The following SLC8A3 variants were observed in gnomAD, a reference collection of about 807,000 sequenced individuals.
SLC8A3 encodes the protein solute carrier family 8 member A3.
A neutral mutation model predicts 65.4 loss-of-function variants in SLC8A3; 37 were observed. The ratio of observed to expected loss-of-function variants is 0.57; its 90% CI spans 0.44 to 0.74. SLC8A3 has a LOEUF of 0.74. Among genes scored for constraint, SLC8A3 ranks in the 30% least tolerant of loss-of-function variants. The pLI is 0.00. For synonymous variants in SLC8A3, 461 were observed against 444.5 expected (o/e 1.04, Z -0.47); for missense variants, 1,112 against 1,172.1 (o/e 0.95, Z 0.75).
At chr14:70,091,311 T>C (rs1891791845) in intron 2 of SLC8A3, among the ~76,000 whole-genome samples, 1 of 152,210 alleles carries the variant, frequency 6.6e-6, no homozygotes, top group Non-Finnish European at 1.5e-5. Context: ...CAAAAATTTG[T>C]CTTACAATCA....
intron 1 of SLC8A3, among the ~76,000 whole-genome samples, chr14:70,187,820 C>G (rs571768816): frequency 1.6e-4 from 25 of 152,230 alleles, no homozygotes; most frequent in African/African-American, 5.5e-4. Context: ...AGCTCCCGAC[C>G]CGCGGCGGTG....
At chr14:70,070,936 A>G (rs181351264) in intron 2 of SLC8A3, among the ~76,000 whole-genome samples, 1 of 152,362 alleles carries the variant, frequency 6.6e-6, no homozygotes, top group East Asian at 1.9e-4. Flanking sequence ...ACCAATGTCC[A>G]CAATTACTAA....
At chr14:70,148,281 A>AACTTGCAATG (rs1566811786) in intron 2 of SLC8A3, among the ~76,000 whole-genome samples, 1 of 152,190 alleles carries the variant, frequency 6.6e-6, no homozygotes, top group Non-Finnish European at 1.5e-5. Context: ...TGGTATTTGT[A>AACTTGCAATG]ACTTGCAATG....
chr14:70,061,551 A>T (rs987453529), intron 2 of SLC8A3, among the ~76,000 whole-genome samples: 3 of 147,490 alleles, frequency 2.0e-5, no homozygotes, highest in Admixed American at 6.7e-5. Flanking sequence ...AGAGAGAGAG[A>T]GTGAGAGAGA....
chr14:70,152,528 CTT>C (rs5809470), intron 2 of SLC8A3, among the ~76,000 whole-genome samples: 4 of 148,222 alleles, frequency 2.7e-5, no homozygotes, highest in Non-Finnish European at 4.5e-5. Flanking sequence ...CAAGTTCAGT[CTT>C]TTTTTTTTTC....
chr14:70,065,730 T>A (rs1889351021), intron 2 of SLC8A3, among the ~76,000 whole-genome samples: 1 of 152,176 alleles, frequency 6.6e-6, no homozygotes, highest in Non-Finnish European at 1.5e-5. Context: ...CAATCCCAGT[T>A]TGGTGGTTTG....
In SLC8A3 at chr14:70,111,952, AG is replaced by A. The variant is rs1359592202; in HGVS notation, c.1785-51014del. ...GGAACCTGAGCAGGAGAGTAAGTAC[AG>A]GAAAATGGTGGGAGCTAGAGCTGCA... On this transcript the variant is annotated intron_variant, in intron 2 of 6. Coordinates refer to ENST00000356921, the MANE Select transcript of SLC8A3 (RefSeq NM_182932.3). Among the ~76,000 whole-genome samples the A allele has an allele frequency of 2.0e-5, 3 of 152,228 alleles. No individual in the cohort carries two copies. In the East Asian group the frequency reaches 5.8e-4, roughly 29 times the overall value.
At chr14:70,119,426 TG>T (rs1283678110) in intron 2 of SLC8A3, among the ~76,000 whole-genome samples, 2 of 152,176 alleles carry the variant, frequency 1.3e-5, no homozygotes, top group African/African-American at 2.4e-5. Flanking sequence ...CAAGCATCAC[TG>T]GGGACCCCAC....
intron 1 of SLC8A3, among the ~76,000 whole-genome samples, chr14:70,177,855 G>A (rs1340258656): frequency 6.6e-6 from 1 of 152,184 alleles, no homozygotes; most frequent in Non-Finnish European, 1.5e-5. Context: ...ATGACAGTGT[G>A]GGAACAGGAT....
chr14:70,138,143 C>G (rs1191985159), intron 2 of SLC8A3, among the ~76,000 whole-genome samples: 1 of 152,264 alleles, frequency 6.6e-6, no homozygotes, highest in East Asian at 1.9e-4. Flanking sequence ...GGGTGGGTGG[C>G]TGGCAGAGCA....
At chr14:70,056,241 T>A (rs1888100716) in intron 3 of SLC8A3, among the ~76,000 whole-genome samples, 1 of 152,202 alleles carries the variant, frequency 6.6e-6, no homozygotes, top group African/African-American at 2.4e-5. Flanking sequence ...AGTAGCTAAC[T>A]TATGAGTGGC....
intron 2 of SLC8A3, among the ~76,000 whole-genome samples, chr14:70,073,482 A>G (rs954526270): frequency 6.6e-6 from 1 of 151,788 alleles, no homozygotes; most frequent in Non-Finnish European, 1.5e-5. Flanking sequence ...AGAAGTAAAT[A>G]TATATATATA....
At chr14:70,135,230 A>T (rs985787934) in intron 2 of SLC8A3, among the ~76,000 whole-genome samples, 1 of 152,220 alleles carries the variant, frequency 6.6e-6, no homozygotes, top group African/African-American at 2.4e-5. Flanking sequence ...TATCAAAAAG[A>T]CAAAATATAA....
At chr14:70,137,776 C>T (rs1411057673) in intron 2 of SLC8A3, among the ~76,000 whole-genome samples, 4 of 124,668 alleles carry the variant, frequency 3.2e-5, no homozygotes, top group African/African-American at 1.2e-4. Flanking sequence ...GATTTGAGAG[C>T]TGGTGGTGCC....
At chr14:70,182,574 G>A (rs1289039702) in intron 1 of SLC8A3, among the ~76,000 whole-genome samples, 2 of 152,022 alleles carry the variant, frequency 1.3e-5, no homozygotes, top group Non-Finnish European at 2.9e-5. Context: ...GAAAGAGGGA[G>A]GACAGCGGGC....
At chr14:70,107,897 T>C (rs558248805) in intron 2 of SLC8A3, among the ~76,000 whole-genome samples, 1 of 152,216 alleles carries the variant, frequency 6.6e-6, no homozygotes, top group Non-Finnish European at 1.5e-5. Context: ...CCTCCTTTCA[T>C]CATTCAGGTC....
At chr14:70,141,833 C>A (rs1895598047) in intron 2 of SLC8A3, among the ~76,000 whole-genome samples, 1 of 152,220 alleles carries the variant, frequency 6.6e-6, no homozygotes, top group Non-Finnish European at 1.5e-5. Context: ...GAATCAGTAC[C>A]TATCTTATAT....
Position 70,048,879 on chromosome 14 carries a change from A to G in SLC8A3, c.2277T>C (p.Ile759=), listed in dbSNP as rs2139696591. ...WACFAVSILI[I]GMLTAIIGDL... is the part of the protein sequence containing the mutation. ...CCCCAATGATGGCGGTGAGCATGCCAATGATGAGGATGGAGACGGCGAAGC... is the reference window on the plus strand; with the variant it reads ...CCCCAATGATGGCGGTGAGCATGCCGATGATGAGGATGGAGACGGCGAAGC... The change falls in exon 6 of 7, where the codon ATT becomes ATC. Residue 759 remains isoleucine, a synonymous_variant. Transcript: ENST00000356921. 4 of 1,614,224 alleles carry G rather than the reference A, an allele frequency of 2.5e-6. No individual in the cohort carries two copies. Among genetic ancestry groups the G allele is most frequent in the Non-Finnish European group, 2.5e-6 (3 of 1,180,038 alleles).
chr14:70,123,082 A>G (rs1049876308), intron 2 of SLC8A3, among the ~76,000 whole-genome samples: 26 of 150,150 alleles, frequency 1.7e-4, no homozygotes, highest in Admixed American at 3.3e-4. Flanking sequence ...CCAAAAAAAA[A>G]AAAAAAAAAA....
Sources: gnomAD v4.1 joint callset for allele counts (sites outside exome capture counted in the v4.1 genomes callset) on GRCh38, gnomAD v4.1.1 for gene constraint, MANE v1.5 for transcripts, NCBI Gene and HGNC (gene_info 2026-07-23, HGNC 2026-07-21) for gene names.